LRRC4C: variants seen among roughly 807,000 people sequenced by gnomAD.
The protein encoded by LRRC4C is leucine-rich repeat-containing protein 4C.
LRRC4C carries 5 observed loss-of-function variants against 33.6 expected under a neutral mutation model. That is an observed-to-expected ratio of 0.15 (90% CI 0.08 to 0.31). The LOEUF (loss-of-function observed/expected upper bound fraction) is 0.31, where lower values mean the gene tolerates loss of function less well. Ranked by LOEUF, LRRC4C falls within the 10% of genes least tolerant of loss-of-function variation. The pLI, the probability that LRRC4C is intolerant of heterozygous loss-of-function variation, is 1.00. For synonymous variants in LRRC4C, 329 were observed against 302.0 expected (o/e 1.09, Z -0.93); for missense variants, 560 against 796.7 (o/e 0.70, Z 3.58).
chr11:40,285,154 C>G (rs1417901153), intron 4 of LRRC4C, among the ~76,000 whole-genome samples: 6 of 152,022 alleles, frequency 3.9e-5, no homozygotes, highest in Admixed American at 3.9e-4. Context: ...ACAGCATACA[C>G]AGGTTAGCCA....
intron 3 of LRRC4C, among the ~76,000 whole-genome samples, chr11:40,328,627 A>T (rs1053731676): frequency 2.6e-5 from 4 of 152,238 alleles, no homozygotes; most frequent in African/African-American, 9.6e-5. Context: ...GGTATTGTAC[A>T]TTTCCTGAGG....
At chr11:41,066,257 C>T (rs532402836) in intron 1 of LRRC4C, among the ~76,000 whole-genome samples, 97 of 152,236 alleles carry the variant, frequency 6.4e-4, no homozygotes, top group Admixed American at 1.0e-3. Context: ...AGCATGAGAA[C>T]TTTGTGGATC....
At chr11:41,410,923 G>A (rs912128329) in intron 1 of LRRC4C, among the ~76,000 whole-genome samples, 2 of 151,692 alleles carry the variant, frequency 1.3e-5, no homozygotes, top group African/African-American at 4.8e-5. Flanking sequence ...AGAGGGACCT[G>A]CCTGAGAGCC....
At chr11:41,455,648 C>G (rs1359239996) in intron 1 of LRRC4C, among the ~76,000 whole-genome samples, 1 of 152,104 alleles carries the variant, frequency 6.6e-6, no homozygotes, top group Non-Finnish European at 1.5e-5. Context: ...CATTTTATGT[C>G]TTGAACAATA....
chr11:41,168,238 T>C (rs947105732), intron 1 of LRRC4C, among the ~76,000 whole-genome samples: 1 of 152,184 alleles, frequency 6.6e-6, no homozygotes, highest in African/African-American at 2.4e-5. Context: ...CTCTGTATAA[T>C]TTCACAAATT....
chr11:41,065,753 C>A (rs2135393285), intron 1 of LRRC4C, among the ~76,000 whole-genome samples: 1 of 152,280 alleles, frequency 6.6e-6, no homozygotes, highest in Non-Finnish European at 1.5e-5. Flanking sequence ...CAGCCTCCAC[C>A]TGTAATACCC....
chr11:40,478,507 G>A (rs1417245316), intron 3 of LRRC4C, among the ~76,000 whole-genome samples: 1 of 152,094 alleles, frequency 6.6e-6, no homozygotes, highest in Non-Finnish European at 1.5e-5. Flanking sequence ...AATTAGGCTG[G>A]TGAGATTGCA....
rs140270095 is a variant in LRRC4C at position 40,191,267 on chromosome 11, A to G, written c.-96+50252T>C. Among the ~76,000 whole-genome samples, 313 of 152,282 alleles carry G rather than the reference A, an allele frequency of 2.1e-3. 1 individual carries two copies. Among genetic ancestry groups the G allele is most frequent in the Non-Finnish European group, 3.7e-3 (254 of 68,034 alleles). ...AAGAATAAAAAAGACCCAGGTTTGAATGACTTCACCAAGGAATTACTTTCC... is the reference window on the plus strand; with the variant it reads ...AAGAATAAAAAAGACCCAGGTTTGAGTGACTTCACCAAGGAATTACTTTCC... On this transcript the variant is annotated intron_variant, in intron 5 of 6. Transcript: ENST00000528697.
chr11:40,914,306 C>T (rs929613926), intron 2 of LRRC4C, among the ~76,000 whole-genome samples: 9 of 152,182 alleles, frequency 5.9e-5, no homozygotes, highest in African/African-American at 1.9e-4. Flanking sequence ...CAATAAAATA[C>T]TGGCAAAGTG....
intron 3 of LRRC4C, among the ~76,000 whole-genome samples, chr11:40,457,552 C>A (rs750243339): frequency 1.3e-5 from 2 of 152,104 alleles, no homozygotes; most frequent in Non-Finnish European, 1.5e-5. Context: ...ATCAAACTTT[C>A]CTTCCCATGT....
chr11:40,179,556 A>C (rs544973163), intron 5 of LRRC4C, among the ~76,000 whole-genome samples: 1 of 152,276 alleles, frequency 6.6e-6, no homozygotes, highest in South Asian at 2.1e-4. Context: ...TTATAACATC[A>C]CAGTGCACAG....
intron 4 of LRRC4C, among the ~76,000 whole-genome samples, chr11:40,262,750 A>G (rs920205796): frequency 6.6e-6 from 1 of 152,150 alleles, no homozygotes; most frequent in Non-Finnish European, 1.5e-5. Flanking sequence ...CAAACACTGC[A>G]TGTTCTCATT....
intron 3 of LRRC4C, among the ~76,000 whole-genome samples, chr11:40,323,049 T>C (rs1334967005): frequency 6.6e-6 from 1 of 152,192 alleles, no homozygotes; most frequent in Non-Finnish European, 1.5e-5. Flanking sequence ...CACAAATCTC[T>C]ATACATATTT....
At chr11:40,952,489 C>G (rs1448466827) in intron 1 of LRRC4C, among the ~76,000 whole-genome samples, 1 of 151,798 alleles carries the variant, frequency 6.6e-6, no homozygotes, top group Non-Finnish European at 1.5e-5. Flanking sequence ...ACCTTTTAAT[C>G]TTGTCTTTAC....
chr11:41,079,076 C>T (rs1939368779), intron 1 of LRRC4C, among the ~76,000 whole-genome samples: 1 of 152,160 alleles, frequency 6.6e-6, no homozygotes, highest in Non-Finnish European at 1.5e-5. Flanking sequence ...TCCCATCTGG[C>T]TAGAAATAAA....
rs184258679 is a variant in LRRC4C, at chr11:40,125,545, A to T, written c.-42-9211T>A. Among the ~76,000 whole-genome samples the T allele has an allele frequency of 2.6e-3, 376 of 146,228 alleles. 4 individuals carry two copies. Among genetic ancestry groups the T allele is most frequent in the African/African-American group, 9.0e-3 (361 of 40,306 alleles). On this transcript the variant is annotated intron_variant, in intron 6 of 6. Transcript: ENST00000528697. ...AACCTATCCTCACACGTTTATGTTC[A>T]TTTCTTCTCTCTCTCTCTCTCTCCT...
chr11:40,390,624 T>C (rs1020057280), intron 3 of LRRC4C, among the ~76,000 whole-genome samples: 1 of 152,072 alleles, frequency 6.6e-6, no homozygotes, highest in African/African-American at 2.4e-5. Context: ...AAAATAAACA[T>C]CTAATATATA....
Position 40,376,798 on chromosome 11 carries a change from A to G in LRRC4C, c.-269-57077T>C, listed in dbSNP as rs1590513893. Among the ~76,000 whole-genome samples, 7 of 152,070 alleles carry G rather than the reference A, an allele frequency of 4.6e-5. No individual in the cohort carries two copies. The South Asian group carries it at 1.5e-3, about 32-fold the overall frequency. On this transcript the variant is annotated intron_variant, in intron 3 of 6. Coordinates refer to ENST00000528697, the MANE Select transcript of LRRC4C (RefSeq NM_001258419.2). Reference sequence around the variant, plus strand: ...AGTTAAATGTGTCTACTACCTACATAGTGGTCCGTATCCTTAGACTAGCCT... The same window carrying G: ...AGTTAAATGTGTCTACTACCTACATGGTGGTCCGTATCCTTAGACTAGCCT...
Position 41,113,258 on chromosome 11 carries a change from C to T in LRRC4C, c.-495-179535G>A, listed in dbSNP as rs1254547240. On this transcript the variant is annotated intron_variant, in intron 1 of 6. Transcript: ENST00000528697. ...TAAACATGAGCAAAAATGTCAATTG[C>T]ATGAGGGCACAGACCCACTGCAAAG... 3.7e-4 allele frequency among the ~76,000 whole-genome samples: 56 copies of T among 151,946 alleles called. 1 individual carries two copies. The highest frequency in any genetic ancestry group is 3.7e-3 in the Admixed American group (56 of 15,216).
Sources: allele counts gnomAD v4.1 joint callset (sites outside exome capture counted in the v4.1 genomes callset), GRCh38; gene constraint gnomAD v4.1.1; transcripts MANE v1.5; gene names NCBI Gene and HGNC (gene_info 2026-07-23, HGNC 2026-07-21).